PHF8: variants seen among roughly 807,000 people sequenced by gnomAD.
The protein encoded by PHF8 is PHD finger protein 8, also known as histone lysine demethylase PHF8.
A neutral mutation model predicts 74.4 loss-of-function variants in PHF8; 9 were observed. The observed-to-expected ratio is 0.12, with a 90% confidence interval of 0.07 to 0.21. PHF8 has a LOEUF of 0.21. Ranked by LOEUF, PHF8 falls within the 10% of genes least tolerant of loss-of-function variation. The pLI, the probability that PHF8 is intolerant of heterozygous loss-of-function variation, is 1.00. For missense variants in PHF8, 478 were observed against 816.6 expected (o/e 0.59, Z 5.05); for synonymous variants, 311 against 316.6 (o/e 0.98, Z 0.19).
rs1479199474 is a variant in PHF8, at chrX:53,948,380, C to T, written c.2540-4137G>A. 1.1e-4 allele frequency among the ~76,000 whole-genome samples: 12 copies of T among 111,465 alleles called. 1 individual carries two copies. Among genetic ancestry groups the T allele is most frequent in the Non-Finnish European group, 2.3e-4 (12 of 53,052 alleles). On this transcript the variant is annotated intron_variant, in intron 19 of 21. Coordinates refer to ENST00000338154, the MANE Select transcript of PHF8 (RefSeq NM_015107.3). Reference sequence around the variant, plus strand: ...CTCCACCTCCTGGGTTCAAGTGATTCTTCTTTCTCAGCCTCCCAAGTAGCT... The same window carrying T: ...CTCCACCTCCTGGGTTCAAGTGATTTTTCTTTCTCAGCCTCCCAAGTAGCT...
At chrX:54,005,656 G>T (rs1557105164) in intron 8 of PHF8, among the ~76,000 whole-genome samples, 2 of 96,664 alleles carry the variant, frequency 2.1e-5, no homozygotes, top group Non-Finnish European at 4.1e-5. Context: ...AAAGCATCAA[G>T]AAATGATACA....
At chrX:54,035,498 C>T (rs1159785391) in intron 2 of PHF8, among the ~76,000 whole-genome samples, 1 of 109,056 alleles carries the variant, frequency 9.2e-6, no homozygotes, top group Non-Finnish European at 1.9e-5. Context: ...AGAGATAACT[C>T]GGGCCAAGAG....
chrX:53,939,597 CT>C (rs1478030019), intron 21 of PHF8, among the ~76,000 whole-genome samples: 1 of 111,337 alleles, frequency 9.0e-6, no homozygotes, highest in Non-Finnish European at 1.9e-5. Flanking sequence ...GGACAAGTGC[CT>C]GGTTAGTGAT....
intron 19 of PHF8, among the ~76,000 whole-genome samples, chrX:53,948,822 G>C (rs1349331431): frequency 9.2e-6 from 1 of 108,748 alleles, no homozygotes; most frequent in Non-Finnish European, 1.9e-5. Flanking sequence ...TCAGGAGTTC[G>C]AGACCAGTCT....
chrX:53,990,117 T>C (rs782006823), intron 14 of PHF8, among the ~76,000 whole-genome samples: 95 of 111,878 alleles, frequency 8.5e-4, no homozygotes, highest in Non-Finnish European at 1.1e-3. Flanking sequence ...AGAGAACTGC[T>C]TGAGCCCAGG....
intron 18 of PHF8, among the ~76,000 whole-genome samples, chrX:53,979,131 A>G (rs928999124): frequency 8.9e-6 from 1 of 112,450 alleles, no homozygotes; most frequent in Non-Finnish European, 1.9e-5. Flanking sequence ...CTATAATCCC[A>G]GCACTTTGGG....
At chrX:53,955,873 C>T (rs369049884) in intron 19 of PHF8, among the ~76,000 whole-genome samples, 58 of 111,424 alleles carry the variant, frequency 5.2e-4, no homozygotes, top group African/African-American at 1.9e-3. Context: ...ACAGTTTCAT[C>T]CTATTGGGTT....
At chrX:53,966,233 CCCACGGTCTCCCTCTCCCTCTCTTT>C (rs1409240198) in intron 18 of PHF8, among the ~76,000 whole-genome samples, 4 of 111,185 alleles carry the variant, frequency 3.6e-5, no homozygotes, top group Non-Finnish European at 3.8e-5. Flanking sequence ...TCTCCCTCTC[CCCACGGTCTCCCTCTCCCTCTCTTT>C]CCACGGTCTC....
At chrX:53,954,380 G>T (rs1022279157) in intron 19 of PHF8, among the ~76,000 whole-genome samples, 46 of 106,325 alleles carry the variant, frequency 4.3e-4, no homozygotes, top group African/African-American at 1.6e-3. Flanking sequence ...GGTGCCTGTA[G>T]TCCCAGCTAC....
intron 2 of PHF8, among the ~76,000 whole-genome samples, chrX:54,023,437 C>G (rs2066210761): frequency 9.0e-6 from 1 of 111,162 alleles, no homozygotes. Context: ...GCTTATTTCA[C>G]ATTTTAAAGA....
At chrX:53,955,734 C>T (rs1557088539) in intron 19 of PHF8, among the ~76,000 whole-genome samples, 1 of 109,248 alleles carries the variant, frequency 9.2e-6, no homozygotes, top group Non-Finnish European at 1.9e-5. Context: ...TAAGAACTCA[C>T]TTTGAAAATG....
At chrX:53,993,308 C>G (rs1318470296) in intron 13 of PHF8, among the ~76,000 whole-genome samples, 1 of 111,991 alleles carries the variant, frequency 8.9e-6, no homozygotes, top group African/African-American at 3.2e-5. Context: ...ATCTCAGGGT[C>G]CCACACACAC....
intron 11 of PHF8, among the ~76,000 whole-genome samples, chrX:53,999,295 G>C (rs1000848077): frequency 9.8e-5 from 11 of 112,128 alleles, no homozygotes; most frequent in Admixed American, 4.8e-4. Flanking sequence ...TCCACTTTAT[G>C]AACAGTAAAC....
chrX:54,038,568 A>T (rs1182348586), intron 2 of PHF8, among the ~76,000 whole-genome samples: 2 of 111,924 alleles, frequency 1.8e-5, no homozygotes, highest in Non-Finnish European at 3.8e-5. Context: ...AAGTTTGAGA[A>T]CCACCGCTGT....
At chrX:53,965,546 C>T (rs782730301) in intron 18 of PHF8, among the ~76,000 whole-genome samples, 4 of 111,885 alleles carry the variant, frequency 3.6e-5, no homozygotes, top group South Asian at 7.4e-4. Context: ...GGCTGAGGCA[C>T]GAGACTTGCT....
intron 2 of PHF8, among the ~76,000 whole-genome samples, chrX:54,042,412 G>C (rs1334337161): frequency 9.4e-6 from 1 of 106,380 alleles, no homozygotes; most frequent in East Asian, 3.0e-4. Flanking sequence ...ACACTCAAAA[G>C]AAAAGTGCAA....
intron 19 of PHF8, among the ~76,000 whole-genome samples, 178 bp downstream of exon 19, chrX:53,962,666 G>A (rs1290349398): frequency 7.2e-5 from 8 of 111,384 alleles, no homozygotes; most frequent in Non-Finnish European, 1.3e-4. Context: ...TGTCTTATTA[G>A]TCATTTTAGC....
intron 2 of PHF8, among the ~76,000 whole-genome samples, chrX:54,034,823 CAAAAAAA>C (rs1235099588): frequency 2.8e-4 from 5 of 17,602 alleles, no homozygotes; most frequent in African/African-American, 5.1e-4. Context: ...GACTTCGTCT[CAAAAAAA>C]AAAAAAAAAA....
chrX:54,006,204 C>T (rs924602434), intron 8 of PHF8, among the ~76,000 whole-genome samples: 2 of 111,542 alleles, frequency 1.8e-5, no homozygotes, highest in African/African-American at 3.3e-5. Context: ...GTTTTGGGCC[C>T]GGTGCGGTGA....
Sources: gnomAD v4.1 joint callset for allele counts (sites outside exome capture counted in the v4.1 genomes callset) on GRCh38, gnomAD v4.1.1 for gene constraint, MANE v1.5 for transcripts, NCBI Gene and HGNC (gene_info 2026-07-23, HGNC 2026-07-21) for gene names.